BRAT1: variants seen among roughly 807,000 people sequenced by gnomAD.
The protein encoded by BRAT1 is integrator complex assembly factor BRAT1.
A neutral mutation model predicts 70.6 loss-of-function variants in BRAT1; 74 were observed. That is an observed-to-expected ratio of 1.05 (90% CI 0.87 to 1.27). The LOEUF is 1.27. Ranked by LOEUF, BRAT1 falls within the 50% of genes most tolerant of loss-of-function variation. The pLI is 0.00. For missense variants in BRAT1, 1,203 were observed against 1,098.2 expected (o/e 1.10, Z -1.35); for synonymous variants, 615 against 517.1 (o/e 1.19, Z -2.57).
Position 2,541,457 on chromosome 7 carries a change from C to A in BRAT1, c.1162G>T (p.Ala388Ser), listed in dbSNP as rs1237580367. 2 of 1,558,980 alleles carry A rather than the reference C, an allele frequency of 1.3e-6. No individual in the cohort carries two copies. Among genetic ancestry groups the A allele is most frequent in the African/African-American group, 2.7e-5 (2 of 73,762 alleles). ...LPQRPSPWPQ[A>S]SLLGATVTVL... ...GTCACTGTAGCCCCCAGTAGAGACG[C>A]CTGGGGCCACGGTGAAGGGCGCTGG... Residue 388 changes from alanine (A) to serine (S), a missense_variant, in exon 9 of 14, where the codon GCG becomes TCG. Transcript: ENST00000340611.
intron 2 of BRAT1, among the ~76,000 whole-genome samples, chr7:2,553,358 T>C (rs1389061209): frequency 6.6e-6 from 1 of 152,002 alleles, no homozygotes; most frequent in Admixed American, 6.6e-5. Context: ...TGATGAAAAA[T>C]GAGAAATATA....
Position 2,538,782 on chromosome 7 carries a change from A to G in BRAT1, c.1771-18T>C. The stretch of plus-strand genomic sequence containing the variant: ...AACAGGCTCTGGGGGACAGGGAGCA[A>G]GTGCGGATGGTTGGTGGGGTGGCAG... On this transcript the variant is annotated intron_variant, in intron 13 of 13. Transcript: ENST00000340611. 6.3e-7 allele frequency: 1 copy of G among 1,597,882 alleles called. No homozygotes were observed. Among genetic ancestry groups the G allele is most frequent in the Non-Finnish European group, 8.5e-7 (1 of 1,179,678 alleles).
At chr7:2,547,508 C>A (rs753374662) in intron 2 of BRAT1, 30 bp from the exon 3 acceptor site, 1 of 1,607,492 alleles carries the variant, frequency 6.2e-7, no homozygotes, top group Admixed American at 1.7e-5. Flanking sequence ...CAGGGGTCAC[C>A]AGGGGTACGG....
chr7:2,538,511 T>C lies in BRAT1; in HGVS notation c.2024A>G (p.Tyr675Cys), dbSNP rs978884737. The change falls in exon 14 of 14, where the codon TAT (tyrosine) becomes TGT (cysteine). Residue 675 changes from tyrosine (Y) to cysteine (C), a missense_variant. Transcript: ENST00000340611. ...TLGPPRTHCP[Y>C]AVALPEVAPA... ...GGCCACCTCGGGTAGGGCCACGGCA[T>C]AGGGGCAGTGGGTACGCGGCGGCCC... is the stretch of plus-strand genomic sequence containing the variant. The C allele has an allele frequency of 1.2e-6, 2 of 1,610,216 alleles. No homozygotes were observed. The highest frequency in any genetic ancestry group is 2.2e-5 in the East Asian group (1 of 44,886).
intron 2 of BRAT1, among the ~76,000 whole-genome samples, chr7:2,548,094 A>C (rs936177699): frequency 1.6e-4 from 11 of 67,716 alleles, no homozygotes; most frequent in African/African-American, 9.4e-4. Flanking sequence ...ACTCCATTCC[A>C]AAAAAAAAAA....
chr7:2,543,130 G>C lies in BRAT1; in HGVS notation c.923+74C>G. The C allele has an allele frequency of 6.8e-7, 1 of 1,479,742 alleles. No homozygotes were observed. Among genetic ancestry groups the C allele is most frequent in the African/African-American group, 1.4e-5 (1 of 70,002 alleles). 91.7% of individuals were successfully genotyped at this position (1,479,742 alleles called of 1,614,324 possible). On this transcript the variant is annotated intron_variant, in intron 6 of 13. Transcript: ENST00000340611. The surrounding 1 kb of genome is among the most constrained non-coding windows in gnomAD (Gnocchi z 5.5). ...TGTCCGGAACTCCCCTGCCATGAGGGCTGCGCTCTCAACCTCCCTGCCTGC... is the reference window on the plus strand; with the variant it reads ...TGTCCGGAACTCCCCTGCCATGAGGCCTGCGCTCTCAACCTCCCTGCCTGC...
At chr7:2,553,867 G>C (rs537876636) in intron 2 of BRAT1, among the ~76,000 whole-genome samples, 1 of 150,062 alleles carries the variant, frequency 6.7e-6, no homozygotes, top group Admixed American at 6.7e-5. Context: ...GGCTGGTCTT[G>C]AACTCCTGGA....
intron 1 of BRAT1, among the ~76,000 whole-genome samples, chr7:2,554,726 C>T (rs1268513190): frequency 6.6e-6 from 1 of 152,238 alleles, no homozygotes; most frequent in Admixed American, 6.5e-5. Flanking sequence ...GTCTGTCACC[C>T]TTGGTCTTTG....
At chr7:2,539,095 C>T in intron 13 of BRAT1, 84 bp downstream of exon 13, 1 of 1,511,300 alleles carries the variant, frequency 6.6e-7, no homozygotes, top group Non-Finnish European at 8.8e-7. Context: ...ACGCTGCATG[C>T]TGGCCGCTCG....
chr7:2,541,339 C>T lies in BRAT1; in HGVS notation c.1280G>A (p.Arg427Gln), dbSNP rs375466838. The change falls in exon 9 of 14, where the codon CGA becomes CAA. Residue 427 changes from arginine to glutamine, a missense_variant. Transcript: ENST00000340611. The part of the protein sequence containing the change: ...GTLAGCVRVQ[R>Q]AALDFLGTLS... The stretch of plus-strand genomic sequence containing the variant: ...CGTCCCCAGGAAGTCGAGGGCTGCT[C>T]GCTGGACCCGGACGCAGCCCGCCAG... 70 of 1,604,032 alleles carry T rather than the reference C, an allele frequency of 4.4e-5. No individual in the cohort carries two copies. Among genetic ancestry groups the T allele is most frequent in the East Asian group, 3.3e-4 (15 of 44,850 alleles).
chr7:2,553,414 C>T (rs917435069), intron 2 of BRAT1, among the ~76,000 whole-genome samples: 5 of 152,118 alleles, frequency 3.3e-5, no homozygotes, highest in African/African-American at 9.7e-5. Context: ...TCTATTCCTA[C>T]AGCAAATAAC....
intron 2 of BRAT1, among the ~76,000 whole-genome samples, chr7:2,547,744 A>G (rs1779721542): frequency 1.3e-5 from 2 of 152,180 alleles, no homozygotes; most frequent in South Asian, 2.1e-4. Flanking sequence ...AAAAATGCTG[A>G]AAAAATGTTC....
At chr7:2,553,738 G>C (rs913588824) in intron 2 of BRAT1, among the ~76,000 whole-genome samples, 1 of 151,592 alleles carries the variant, frequency 6.6e-6, no homozygotes, top group Admixed American at 6.6e-5. Context: ...CTACCTCCCG[G>C]ACTCAAAGGA....
At position 2,543,038 on chromosome 7, in the gene BRAT1, AG is replaced by A. The variant is rs1779300845; in HGVS notation, c.923+165del. ...ATTATTCTGTTGCTAAAGAACCTTC[AG>A]AAGCTGCCGCGCGCAACCCACGCAC... On this transcript the variant is annotated intron_variant, in intron 6 of 13. Transcript: ENST00000340611. This position sits in a 1 kb window ranked among gnomAD's most constrained non-coding sequence, Gnocchi z 5.5. The A allele has an allele frequency of 1.3e-6, 1 of 763,524 alleles. No homozygotes were observed. The highest frequency in any genetic ancestry group is 2.0e-6 in the Non-Finnish European group (1 of 497,178). 47.3% of individuals were successfully genotyped at this position (763,524 alleles called of 1,614,324 possible).
intron 9 of BRAT1, 93 bp from the exon 10 acceptor site, chr7:2,541,145 C>T (rs879690009): frequency 6.9e-7 from 1 of 1,452,528 alleles, no homozygotes; most frequent in Non-Finnish European, 9.2e-7. Context: ...GCCTCATCCG[C>T]CAGCTGAAAC....
chr7:2,549,368 A>C (rs190332355), intron 2 of BRAT1, among the ~76,000 whole-genome samples: 1 of 152,074 alleles, frequency 6.6e-6, no homozygotes, highest in East Asian at 1.9e-4. Context: ...TCCCAGCTAC[A>C]CTGGAAGCTG....
At chr7:2,542,694 A>C in intron 6 of BRAT1, 1 of 181,744 alleles carries the variant, frequency 5.5e-6, no homozygotes, top group Non-Finnish European at 1.2e-5. Flanking sequence ...CTGGACCCTC[A>C]TGGTACCCCT....
At chr7:2,550,417 G>A (rs759984782) in intron 2 of BRAT1, among the ~76,000 whole-genome samples, 2 of 128,078 alleles carry the variant, frequency 1.6e-5, no homozygotes, top group African/African-American at 3.0e-5. Context: ...GCAGTGAACC[G>A]AGATCATGCC....
chr7:2,539,220 G>A lies in BRAT1; in HGVS notation c.1729C>T (p.Leu577=). The change falls in exon 13 of 14, where the codon CTG becomes TTG. Residue 577 remains leucine, a synonymous_variant. Transcript: ENST00000340611. ...TAMGQLSSQG[L]HAPTSPEHAE... is the part of the protein sequence containing the mutation. ...TGCTCAGGGCTGGTGGGGGCGTGCA[G>A]GCCCTGGCTGGACAGCTGCCCCATG... The A allele has an allele frequency of 6.2e-7, 1 of 1,610,640 alleles. No homozygotes were observed. Among genetic ancestry groups the A allele is most frequent in the Non-Finnish European group, 8.5e-7 (1 of 1,179,594 alleles).
Sources: allele counts gnomAD v4.1 joint callset (sites outside exome capture counted in the v4.1 genomes callset), GRCh38; gene constraint gnomAD v4.1.1; non-coding constraint Gnocchi (gnomAD v3.1); transcripts MANE v1.5; gene names NCBI Gene and HGNC (gene_info 2026-07-23, HGNC 2026-07-21).